Variants in GPC5 observed in about 807,000 individuals in gnomAD.
GPC5 encodes glypican 5.
A neutral mutation model predicts 53.9 loss-of-function variants in GPC5; 47 were observed. The ratio of observed to expected loss-of-function variants is 0.87; its 90% CI spans 0.69 to 1.11. The LOEUF (loss-of-function observed/expected upper bound fraction) is 1.11, where lower values mean the gene tolerates loss of function less well. Ranked by LOEUF, GPC5 falls within the 50% of genes most tolerant of loss-of-function variation. The pLI is 0.00. For missense variants in GPC5, 748 were observed against 713.1 expected (o/e 1.05, Z -0.56); for synonymous variants, 286 against 263.3 (o/e 1.09, Z -0.84).
chr13:92,852,479 G>C (rs565581361), intron 7 of GPC5, among the ~76,000 whole-genome samples: 2 of 152,284 alleles, frequency 1.3e-5, no homozygotes, highest in South Asian at 4.2e-4. Context: ...CATAATTCCT[G>C]CACCCTGAGT....
intron 1 of GPC5, among the ~76,000 whole-genome samples, chr13:91,430,144 A>T (rs1360235983): frequency 6.6e-6 from 1 of 152,182 alleles, no homozygotes; most frequent in Non-Finnish European, 1.5e-5. Context: ...ACTGTACCAT[A>T]CTGGATATGT....
At chr13:92,753,552 A>C (rs965851791) in intron 7 of GPC5, among the ~76,000 whole-genome samples, 1 of 152,178 alleles carries the variant, frequency 6.6e-6, no homozygotes, top group African/African-American at 2.4e-5. Context: ...AGGACATTCA[A>C]ACCAAAGGCA....
chr13:91,657,555 C>CA (rs1157176747), intron 2 of GPC5, among the ~76,000 whole-genome samples: 1 of 151,790 alleles, frequency 6.6e-6, no homozygotes. Flanking sequence ...GCCCTCACAA[C>CA]AAAAAAATTA....
intron 6 of GPC5, among the ~76,000 whole-genome samples, chr13:92,046,874 T>C (rs1453372777): frequency 1.3e-5 from 2 of 152,230 alleles, no homozygotes; most frequent in African/African-American, 2.4e-5. Context: ...TTCGCAGGGA[T>C]TATTTTCTTA....
intron 7 of GPC5, among the ~76,000 whole-genome samples, chr13:92,758,187 A>G (rs1383854961): frequency 6.7e-6 from 1 of 150,134 alleles, no homozygotes; most frequent in East Asian, 2.0e-4. Flanking sequence ...TTGTAGGGAC[A>G]TGGATGAAAT....
At chr13:92,017,257 T>G (rs2138785101) in intron 6 of GPC5, among the ~76,000 whole-genome samples, 1 of 152,044 alleles carries the variant, frequency 6.6e-6, no homozygotes, top group South Asian at 2.1e-4. Flanking sequence ...TCCACTGACT[T>G]TTCCTAGTGA....
At chr13:91,867,640 A>G (rs1257033241) in intron 5 of GPC5, among the ~76,000 whole-genome samples, 2 of 152,212 alleles carry the variant, frequency 1.3e-5, no homozygotes, top group South Asian at 2.1e-4. Context: ...ATTTAATCAA[A>G]TGTTAAATCT....
intron 7 of GPC5, among the ~76,000 whole-genome samples, chr13:92,749,479 T>C (rs1889324811): frequency 6.6e-6 from 1 of 152,134 alleles, no homozygotes; most frequent in Non-Finnish European, 1.5e-5. Flanking sequence ...AACTGTAAAA[T>C]GGCTAGTTAT....
chr13:91,417,633 C>T (rs1240832345), intron 1 of GPC5, among the ~76,000 whole-genome samples: 1 of 152,182 alleles, frequency 6.6e-6, no homozygotes, highest in Admixed American at 6.5e-5. Flanking sequence ...CAGTTTACTA[C>T]TGGAGACAAT....
intron 7 of GPC5, among the ~76,000 whole-genome samples, chr13:92,806,923 G>A (rs1466133831): frequency 6.6e-6 from 1 of 152,104 alleles, no homozygotes; most frequent in African/African-American, 2.4e-5. Flanking sequence ...AATTGGCACT[G>A]ATAGACTTGC....
intron 7 of GPC5, among the ~76,000 whole-genome samples, chr13:92,650,302 A>G (rs965008598): frequency 3.9e-5 from 6 of 152,072 alleles, no homozygotes; most frequent in Non-Finnish European, 5.9e-5. Context: ...TTTCCATTTG[A>G]TATCTTACAA....
rs139392621 is a variant in GPC5 at position 91,453,194 on chromosome 13, A to T, written c.325+4272A>T. 4.4e-4 allele frequency among the ~76,000 whole-genome samples: 67 copies of T among 152,072 alleles called. No homozygotes were observed. In the East Asian group the frequency reaches 0.01, roughly 23 times the overall value. ...GAAATGTTAGATTCAGGAATTTATTAAAAAATGATTGCTATTTTTAATGAA... is the reference window on the plus strand; with the variant it reads ...GAAATGTTAGATTCAGGAATTTATTTAAAAATGATTGCTATTTTTAATGAA... On this transcript the variant is annotated intron_variant, in intron 2 of 7. Coordinates refer to ENST00000377067, the MANE Select transcript of GPC5 (RefSeq NM_004466.6).
chr13:91,734,577 C>T (rs1210482387), intron 4 of GPC5, among the ~76,000 whole-genome samples: 1 of 151,280 alleles, frequency 6.6e-6, no homozygotes, highest in Non-Finnish European at 1.5e-5. Flanking sequence ...AGCCACAGGT[C>T]CCTGTAGGGA....
chr13:92,146,198 C>A (rs1373004697), intron 7 of GPC5, among the ~76,000 whole-genome samples: 1 of 152,092 alleles, frequency 6.6e-6, no homozygotes, highest in East Asian at 1.9e-4. Flanking sequence ...TCTATTCTTA[C>A]AGAATGCGAT....
rs71123419 is a variant in GPC5, at chr13:92,628,264, C to CTTTT, written c.1562-237992_1562-237989dup. Among the ~76,000 whole-genome samples, 129 of 45,372 alleles carry CTTTT rather than the reference C, an allele frequency of 2.8e-3. 2 individuals are homozygous for CTTTT. The highest frequency in any genetic ancestry group is 3.3e-3 in the Non-Finnish European group (77 of 23,132). 29.8% of individuals were successfully genotyped at this position (45,372 alleles called of 152,430 possible). A position where few individuals can be genotyped will look rare whatever the true frequency, so the allele number is the denominator to read the frequency against. On this transcript the variant is annotated intron_variant, in intron 7 of 7. Transcript: ENST00000377067. ...TTTTCTTTTCTTTTTCTTTTTCTTT[C>CTTTT]TTTTTTTTTTTTTTTTTTTTTTTTT...
chr13:91,582,487 A>C (rs1226486636), intron 2 of GPC5, among the ~76,000 whole-genome samples: 1 of 152,214 alleles, frequency 6.6e-6, no homozygotes, highest in Non-Finnish European at 1.5e-5. Flanking sequence ...CTAAAGAAAC[A>C]AAAGATAGAG....
At chr13:91,642,930 A>G (rs2034466742) in intron 2 of GPC5, among the ~76,000 whole-genome samples, 1 of 152,156 alleles carries the variant, frequency 6.6e-6, no homozygotes, top group South Asian at 2.1e-4. Context: ...AGAGACAGGA[A>G]GGGAATCAGA....
At chr13:91,974,345 G>C (rs1167266098) in intron 6 of GPC5, among the ~76,000 whole-genome samples, 8 of 152,146 alleles carry the variant, frequency 5.3e-5, no homozygotes, top group Non-Finnish European at 1.5e-5. Flanking sequence ...GTTTGTAGAT[G>C]ACATGATTGT....
At chr13:91,894,506 C>T (rs773265647) in intron 5 of GPC5, among the ~76,000 whole-genome samples, 5 of 152,024 alleles carry the variant, frequency 3.3e-5, no homozygotes, top group Non-Finnish European at 7.4e-5. Flanking sequence ...GGCTGGAGTC[C>T]CAGAAAGCTT....
Sources: allele counts gnomAD v4.1 joint callset (sites outside exome capture counted in the v4.1 genomes callset), GRCh38; gene constraint gnomAD v4.1.1; transcripts MANE v1.5; gene names NCBI Gene and HGNC (gene_info 2026-07-23, HGNC 2026-07-21).